MECOM: variants seen among roughly 807,000 people sequenced by gnomAD.
MECOM encodes the protein histone-lysine N-methyltransferase MECOM.
In MECOM, 13 loss-of-function variants were observed where a neutral mutation model predicts 116.3. The observed-to-expected ratio is 0.11, with a 90% CI of 0.07 to 0.18. MECOM has a LOEUF of 0.18. Ranked by LOEUF, MECOM falls within the 10% of genes least tolerant of loss-of-function variation. The probability of loss-of-function intolerance (pLI) is 1.00; values close to 1 mark genes in which losing one functional copy is unlikely to be tolerated. For missense variants in MECOM, 1,299 were observed against 1,509.0 expected (o/e 0.86, Z 2.31); for synonymous variants, 528 against 535.2 (o/e 0.99, Z 0.19).
intron 2 of MECOM, among the ~76,000 whole-genome samples, chr3:169,303,501 G>A (rs185714928): frequency 6.6e-6 from 1 of 152,282 alleles, no homozygotes; most frequent in Non-Finnish European, 1.5e-5. Flanking sequence ...ACCTTAAGCG[G>A]TAGTGTAAAG....
chr3:169,265,008 G>T (rs1758084087), intron 2 of MECOM, among the ~76,000 whole-genome samples: 1 of 150,924 alleles, frequency 6.6e-6, no homozygotes, highest in Non-Finnish European at 1.5e-5. Context: ...TACCAACTAA[G>T]ATCTTCTTAA....
intron 1 of MECOM, among the ~76,000 whole-genome samples, chr3:169,623,256 A>T (rs1770965954): frequency 6.6e-6 from 1 of 152,270 alleles, no homozygotes; most frequent in Non-Finnish European, 1.5e-5. Flanking sequence ...GACAAAAATA[A>T]TACTGAAAAT....
chr3:169,419,869 G>T (rs1323849558), intron 1 of MECOM, among the ~76,000 whole-genome samples: 1 of 152,042 alleles, frequency 6.6e-6, no homozygotes, highest in East Asian at 1.9e-4. Flanking sequence ...TCTGACAAAG[G>T]CCTAATATCC....
At chr3:169,567,129 A>G (rs1304017293) in intron 1 of MECOM, among the ~76,000 whole-genome samples, 2 of 148,692 alleles carry the variant, frequency 1.3e-5, no homozygotes, top group African/African-American at 2.5e-5. Context: ...GACAATCAGG[A>G]GAGGAGAAAT....
At chr3:169,249,246 A>G (rs1414877567) in intron 2 of MECOM, among the ~76,000 whole-genome samples, 4 of 152,226 alleles carry the variant, frequency 2.6e-5, no homozygotes, top group Non-Finnish European at 1.5e-5. Flanking sequence ...GAAGGAATAA[A>G]TGGAAGGGAA....
intron 1 of MECOM, among the ~76,000 whole-genome samples, chr3:169,447,429 A>G (rs976868591): frequency 6.6e-6 from 1 of 152,172 alleles, no homozygotes; most frequent in Non-Finnish European, 1.5e-5. Flanking sequence ...ATGGTTATCT[A>G]CTATCTCCCC....
At chr3:169,246,794 C>T (rs544574030) in intron 2 of MECOM, among the ~76,000 whole-genome samples, 8 of 152,248 alleles carry the variant, frequency 5.3e-5, no homozygotes, top group African/African-American at 1.9e-4. Context: ...TGCTGGATTA[C>T]AGGTGTGAGC....
intron 1 of MECOM, among the ~76,000 whole-genome samples, chr3:169,659,376 C>A (rs1193947603): frequency 6.6e-6 from 1 of 150,754 alleles, no homozygotes; most frequent in African/African-American, 2.4e-5. Context: ...ATGAACCGTT[C>A]CCTTCCACAG....
chr3:169,195,647 T>C (rs888003342), intron 2 of MECOM, among the ~76,000 whole-genome samples: 10 of 151,976 alleles, frequency 6.6e-5, no homozygotes, highest in African/African-American at 2.4e-4. Flanking sequence ...CCATAATAGA[T>C]GTTTTCACTC....
chr3:169,444,318 G>C (rs924403433), intron 1 of MECOM, among the ~76,000 whole-genome samples: 1 of 152,092 alleles, frequency 6.6e-6, no homozygotes, highest in Non-Finnish European at 1.5e-5. Flanking sequence ...GTTTGGCTGT[G>C]TCCCCACCCA....
chr3:169,498,512 G>A (rs1278064423), intron 1 of MECOM, among the ~76,000 whole-genome samples: 1 of 152,134 alleles, frequency 6.6e-6, no homozygotes, highest in Non-Finnish European at 1.5e-5. Context: ...TACAGAAAAG[G>A]GCCTGAGCCT....
rs1008384229 is a variant in MECOM, at chr3:169,365,611, G to A, written c.375+15576C>T. 1.3e-4 allele frequency among the ~76,000 whole-genome samples: 20 copies of A among 151,952 alleles called. 1 individual carries two copies. The highest frequency in any genetic ancestry group is 1.0e-4 in the Non-Finnish European group (7 of 67,946). On this transcript the variant is annotated intron_variant, in intron 2 of 16. Transcript: ENST00000651503. ...AATTAGATTTACTTTTGGAGATGAA[G>A]GCAAAATGGCATCAAGCTTCTGTAT...
intron 2 of MECOM, among the ~76,000 whole-genome samples, chr3:169,222,808 C>A (rs567734342): frequency 4.6e-5 from 7 of 152,200 alleles, no homozygotes; most frequent in East Asian, 1.9e-4. Context: ...CACAAAGTAA[C>A]CTTGCTGAAG....
intron 1 of MECOM, among the ~76,000 whole-genome samples, chr3:169,580,362 G>T (rs56664923): frequency 0.019 from 2,909 of 152,204 alleles, 101 homozygotes; most frequent in African/African-American, 0.066. Context: ...TAGTGTTTGG[G>T]TACTGCTACT....
chr3:169,135,679 T>G (rs536244794), intron 3 of MECOM, among the ~76,000 whole-genome samples: 10 of 152,006 alleles, frequency 6.6e-5, no homozygotes, highest in African/African-American at 1.9e-4. Flanking sequence ...GATGGTTTTT[T>G]CATTTTATCA....
intron 1 of MECOM, among the ~76,000 whole-genome samples, chr3:169,476,411 C>T (rs1447789750): frequency 2.0e-5 from 3 of 152,150 alleles, no homozygotes; most frequent in African/African-American, 4.8e-5. Flanking sequence ...TAGCCCATTA[C>T]ATTTTATTTG....
chr3:169,145,673 A>C (rs920560488), intron 2 of MECOM: 2 of 224,836 alleles, frequency 8.9e-6, no homozygotes, highest in Non-Finnish European at 1.8e-5. Flanking sequence ...AAAACTTGTT[A>C]ATTTCAAAGT....
chr3:169,450,601 C>T (rs1374089749), intron 1 of MECOM, among the ~76,000 whole-genome samples: 1 of 151,154 alleles, frequency 6.6e-6, no homozygotes, highest in Non-Finnish European at 1.5e-5. Context: ...AAAATGATGA[C>T]AAAAAAGAGG....
chr3:169,262,974 C>T (rs1434927690), intron 2 of MECOM, among the ~76,000 whole-genome samples: 1 of 150,630 alleles, frequency 6.6e-6, no homozygotes, highest in Non-Finnish European at 1.5e-5. Flanking sequence ...TTCCCTAACA[C>T]TTACTCATGT....
Sources: gnomAD v4.1 joint callset for allele counts (sites outside exome capture counted in the v4.1 genomes callset) on GRCh38, gnomAD v4.1.1 for gene constraint, MANE v1.5 for transcripts, NCBI Gene and HGNC (gene_info 2026-07-23, HGNC 2026-07-21) for gene names.